GSPT1: variants seen among roughly 807,000 people sequenced by gnomAD.
The protein encoded by GSPT1 is G1 to S phase transition 1, also known as eukaryotic peptide chain release factor GTP-binding subunit ERF3A.
In GSPT1, 20 loss-of-function variants were observed where a neutral mutation model predicts 72.5. The observed-to-expected ratio is 0.28, with a 90% CI of 0.19 to 0.40. GSPT1 has a LOEUF of 0.40. GSPT1 is among the 10% of genes least tolerant of loss of function. The pLI, the probability that GSPT1 is intolerant of heterozygous loss-of-function variation, is 1.00. For synonymous variants in GSPT1, 334 were observed against 293.5 expected, an observed-to-expected ratio of 1.14 and a Z score of -1.41; for missense variants, 580 against 811.9, an observed-to-expected ratio of 0.71 and a Z score of 3.47.
chr16:11,901,885 C>CA (rs2054411613), intron 1 of GSPT1, among the ~76,000 whole-genome samples: 1 of 151,370 alleles, frequency 6.6e-6, no homozygotes, highest in Non-Finnish European at 1.5e-5. Flanking sequence ...CACCTGAGGT[C>CA]AGGAGTTTGA....
intron 4 of GSPT1, among the ~76,000 whole-genome samples, chr16:11,896,191 G>T (rs997005364): frequency 2.0e-5 from 3 of 152,104 alleles, no homozygotes; most frequent in Non-Finnish European, 2.9e-5. Context: ...AAATTATCTG[G>T]TAAGGTCAAT....
intron 4 of GSPT1, 44 bp from the exon 5 acceptor site, chr16:11,895,031 A>T: frequency 7.7e-7 from 1 of 1,303,796 alleles, no homozygotes; most frequent in Admixed American, 1.9e-5. Flanking sequence ...AAAACCAAAA[A>T]CCAATGGCTA....
In GSPT1 at chr16:11,887,029, T is replaced by TTG. The variant is rs1040148331; in HGVS notation, c.958-99_958-98insCA. The TTG allele has an allele frequency of 1.0e-5, 10 of 995,726 alleles. No individual in the cohort carries two copies. The African/African-American group carries it at 1.3e-4, about 13-fold the overall frequency. 61.7% of individuals were successfully genotyped at this position (995,726 alleles called of 1,614,324 possible). The stretch of plus-strand genomic sequence containing the variant: ...TTTCAGTTATATCACGAGTTTTTTT[T>TTG]TTTTTTTTTGCAAGAAAATAGAAGC... On this transcript the variant is annotated intron_variant, in intron 7 of 14. Transcript: ENST00000434724.
At chr16:11,905,223 T>C (rs1439544509) in intron 1 of GSPT1, among the ~76,000 whole-genome samples, 1 of 152,178 alleles carries the variant, frequency 6.6e-6, no homozygotes, top group African/African-American at 2.4e-5. Context: ...TCTGTCCAAG[T>C]TTCTGTAGTG....
chr16:11,910,003 T>C (rs2054538059), intron 1 of GSPT1, among the ~76,000 whole-genome samples: 1 of 152,046 alleles, frequency 6.6e-6, no homozygotes, highest in Non-Finnish European at 1.5e-5. Flanking sequence ...GAAGCTGAGG[T>C]GAAAGATCAC....
At chr16:11,873,313 A>G in intron 14 of GSPT1, 142 bp from the exon 15 acceptor site, 1 of 543,964 alleles carries the variant, frequency 1.8e-6, no homozygotes, top group Non-Finnish European at 3.3e-6. Flanking sequence ...AACCCATGAT[A>G]CTTCTATTTA....
At position 11,901,193 on chromosome 16, in the gene GSPT1, TC is replaced by T. The variant is rs1596471767; in HGVS notation, c.353-3159del. Among the ~76,000 whole-genome samples, 7 of 152,072 alleles carry T rather than the reference TC, an allele frequency of 4.6e-5. No individual in the cohort carries two copies. In the East Asian group the frequency reaches 1.4e-3, roughly 29 times the overall value. ...ATAAAACCGATATATTTCTACCCTATCTTCATACATACACAGTAAACCTTTA... is the reference window on the plus strand; with the variant it reads ...ATAAAACCGATATATTTCTACCCTATTTCATACATACACAGTAAACCTTTA... On this transcript the variant is annotated intron_variant, in intron 1 of 14. Transcript: ENST00000434724.
chr16:11,907,416 C>A (rs189442527), intron 1 of GSPT1, among the ~76,000 whole-genome samples: 103 of 152,300 alleles, frequency 6.8e-4, no homozygotes, highest in Non-Finnish European at 1.0e-3. Context: ...CAGTACCTAA[C>A]CTCAAGAGAA....
At chr16:11,902,251 G>A (rs547371924) in intron 1 of GSPT1, among the ~76,000 whole-genome samples, 18 of 149,460 alleles carry the variant, frequency 1.2e-4, no homozygotes, top group African/African-American at 3.4e-4. Context: ...GCTTGGTGGC[G>A]GGCACCTGTA....
rs1391062698 is a variant in GSPT1, at chr16:11,889,632, CG to C, written c.776+1429del. Reference sequence around the variant, plus strand: ...AAGTGATTCTCCTGCCTCAGCCCCCCGAGTAGCTGGGATTAGAGCATGCGCC... The same window carrying C: ...AAGTGATTCTCCTGCCTCAGCCCCCCAGTAGCTGGGATTAGAGCATGCGCC... On this transcript the variant is annotated intron_variant, in intron 6 of 14. Coordinates refer to ENST00000434724, the MANE Select transcript of GSPT1 (RefSeq NM_002094.4). Among the ~76,000 whole-genome samples, 9 of 151,964 alleles carry C rather than the reference CG, an allele frequency of 5.9e-5. No homozygotes were observed. In the South Asian group the frequency reaches 6.2e-4, roughly 11 times the overall value.
At chr16:11,890,852 C>T (rs1166859693) in intron 6 of GSPT1, 2 of 364,562 alleles carry the variant, frequency 5.5e-6, no homozygotes, top group Non-Finnish European at 9.8e-6. Context: ...AAGTCTATCA[C>T]CAGATATATG....
chr16:11,877,099 C>T lies in GSPT1; in HGVS notation c.1602+308G>A, dbSNP rs973409584. 1.3e-5 allele frequency among the ~76,000 whole-genome samples: 2 copies of T among 152,160 alleles called. No individual in the cohort carries two copies. The highest frequency in any genetic ancestry group is 4.8e-5 in the African/African-American group (2 of 41,434). The stretch of plus-strand genomic sequence containing the variant: ...TCAATGAGCACATAAACCATGACTT[C>T]CACAGTAACTGTGCTCTGGTCAAAG... On this transcript the variant is annotated intron_variant, in intron 12 of 14. Transcript: ENST00000434724. The surrounding 1 kb of genome is among the most constrained non-coding windows in gnomAD (Gnocchi z 4.0).
chr16:11,887,486 A>G lies in GSPT1; in HGVS notation c.957+84T>C, dbSNP rs41402648. ...TATATTTCACTGCAACCTGAATTTG[A>G]GCTTTTAGAAGATAAATTCAAATTT... On this transcript the variant is annotated intron_variant, in intron 7 of 14. Coordinates refer to ENST00000434724, the MANE Select transcript of GSPT1 (RefSeq NM_002094.4). 2.9e-3 allele frequency: 3,152 copies of G among 1,101,788 alleles called. 78 individuals are homozygous for G. In the African/African-American group the frequency reaches 0.044, roughly 15 times the overall value. The allele number at this position is 1,101,788 out of a possible 1,614,324, so 68.3% of individuals were successfully genotyped here. A position where few individuals can be genotyped will look rare whatever the true frequency, so the allele number is the denominator to read the frequency against.
chr16:11,899,514 C>T (rs899273179), intron 1 of GSPT1, among the ~76,000 whole-genome samples: 1 of 151,914 alleles, frequency 6.6e-6, no homozygotes, highest in African/African-American at 2.4e-5. Flanking sequence ...CTACACCTGA[C>T]AGGAGTTGGG....
At position 11,868,727 on chromosome 16, in the gene GSPT1, A is replaced by C. The variant is rs1052446227; in HGVS notation, c.*4392T>G. The C allele has an allele frequency of 1.3e-5, 2 of 152,232 alleles. No homozygotes were observed. The highest frequency in any genetic ancestry group is 2.9e-5 in the Non-Finnish European group (2 of 68,062). The allele number at this position is 152,232 out of a possible 1,614,324, so 9.4% of individuals were successfully genotyped here. On this transcript the variant is annotated 3_prime_UTR_variant, in exon 15 of 15. Transcript: ENST00000434724. Reference sequence around the variant, plus strand: ...CTGGTAGAGGGGAGCCTCAGGAAGCACAAGATGTCATTCCACCTGTGCTGT... The same window carrying C: ...CTGGTAGAGGGGAGCCTCAGGAAGCCCAAGATGTCATTCCACCTGTGCTGT...
At chr16:11,889,241 G>A (rs930257993) in intron 6 of GSPT1, among the ~76,000 whole-genome samples, 2 of 151,786 alleles carry the variant, frequency 1.3e-5, no homozygotes, top group Non-Finnish European at 2.9e-5. Flanking sequence ...CCAGGAGGTG[G>A]AGCTTGCAGT....
chr16:11,880,764 G>C (rs2054112047), intron 11 of GSPT1, among the ~76,000 whole-genome samples: 2 of 152,122 alleles, frequency 1.3e-5, no homozygotes, highest in Admixed American at 1.3e-4. Flanking sequence ...GGTTGTTCAG[G>C]TTTTCTGTTG....
At chr16:11,898,056 C>T in intron 1 of GSPT1, 21 bp from the exon 2 acceptor site, 3 of 1,500,914 alleles carry the variant, frequency 2.0e-6, no homozygotes, top group Non-Finnish European at 2.7e-6. Flanking sequence ...GAAAGAAGTT[C>T]TATTAAAAAT....
rs757679902 is a variant in GSPT1 at position 11,915,854 on chromosome 16, C to T, written c.-134G>A. On this transcript the variant is annotated 5_prime_UTR_variant, in exon 1 of 15. Transcript: ENST00000434724. The stretch of plus-strand genomic sequence containing the variant: ...GGGCCGGGAGCTAGCGACAAAGATC[C>T]CCGGCGTCGCCGCGGCAGCAGCTCC... 1.2e-5 allele frequency: 17 copies of T among 1,373,248 alleles called. No individual in the cohort carries two copies. The highest frequency in any genetic ancestry group is 2.4e-5 in the East Asian group (1 of 42,188). The allele number at this position is 1,373,248 out of a possible 1,614,324, so 85.1% of individuals were successfully genotyped here. A position where few individuals can be genotyped will look rare whatever the true frequency, so the allele number is the denominator to read the frequency against.
Sources: gnomAD v4.1 joint callset for allele counts (sites outside exome capture counted in the v4.1 genomes callset) on GRCh38, gnomAD v4.1.1 for gene constraint, Gnocchi (gnomAD v3.1) non-coding constraint, MANE v1.5 for transcripts, NCBI Gene and HGNC (gene_info 2026-07-23, HGNC 2026-07-21) for gene names.